Variants in USH2A observed in about 807,000 individuals in gnomAD.
The protein encoded by USH2A is usherin.
USH2A carries 443 observed loss-of-function variants against 538.9 expected under a neutral mutation model. The observed-to-expected ratio is 0.82, with a 90% CI of 0.76 to 0.89. The LOEUF (loss-of-function observed/expected upper bound fraction) is 0.89. Ranked by LOEUF, USH2A falls within the 40% of genes least tolerant of loss-of-function variation. USH2A has a pLI of 0.00. For missense variants in USH2A, 6,633 were observed against 6,324.8 expected, an observed-to-expected ratio of 1.05 and a Z score of -1.65; for synonymous variants, 2,413 against 2,273.5, an observed-to-expected ratio of 1.06 and a Z score of -1.75.
intron 4 of USH2A, among the ~76,000 whole-genome samples, chr1:216,352,194 G>C (rs2038300445): frequency 6.6e-6 from 1 of 152,136 alleles, no homozygotes; most frequent in East Asian, 1.9e-4. Context: ...ATCTTTAAGG[G>C]AGTGAGTGTC....
chr1:215,845,813 T>G lies in USH2A; in HGVS notation c.9055+11A>C. 1 of 1,612,590 alleles carries G rather than the reference T, an allele frequency of 6.2e-7. No homozygotes were observed. The highest frequency in any genetic ancestry group is 8.5e-7 in the Non-Finnish European group (1 of 1,179,154). On this transcript the variant is annotated intron_variant, in intron 45 of 71. Transcript: ENST00000307340. ...TCTCTGAGGCAAATATCCTTTAGAA[T>G]CTGGACTCACCCCCATCGCAAGTGG... is the stretch of plus-strand genomic sequence containing the variant.
At chr1:215,627,414 TTCCTTCCTTCCTTCC>T (rs1656074283) in intron 71 of USH2A, among the ~76,000 whole-genome samples, 2 of 112,992 alleles carry the variant, frequency 1.8e-5, no homozygotes, top group African/African-American at 6.6e-5. Flanking sequence ...CCTTCCTTCC[TTCCTTCCTTCCTTCC>T]TTCCTTCCTT....
chr1:216,295,705 C>A (rs2037090741), intron 9 of USH2A, among the ~76,000 whole-genome samples: 1 of 151,860 alleles, frequency 6.6e-6, no homozygotes, highest in Non-Finnish European at 1.5e-5. Context: ...CAGCATATGC[C>A]AGAGTTACAT....
At chr1:215,696,989 G>T (rs1658832454) in intron 61 of USH2A, among the ~76,000 whole-genome samples, 1 of 151,212 alleles carries the variant, frequency 6.6e-6, no homozygotes, top group Non-Finnish European at 1.5e-5. Flanking sequence ...GTCTTACTTT[G>T]ACACTCAGGC....
chr1:216,040,811 T>A (rs917678510), intron 32 of USH2A, among the ~76,000 whole-genome samples: 1 of 152,000 alleles, frequency 6.6e-6, no homozygotes, highest in Non-Finnish European at 1.5e-5. Flanking sequence ...AGTACAATTG[T>A]TTTTACCTCA....
intron 32 of USH2A, among the ~76,000 whole-genome samples, chr1:216,015,455 G>C (rs992776999): frequency 2.0e-5 from 3 of 152,112 alleles, no homozygotes; most frequent in Non-Finnish European, 4.4e-5. Context: ...GAACATCCTT[G>C]CTCTCCTTTT....
At chr1:215,848,654 A>G (rs555234675) in intron 44 of USH2A, among the ~76,000 whole-genome samples, 2 of 152,328 alleles carry the variant, frequency 1.3e-5, no homozygotes, top group African/African-American at 4.8e-5. Context: ...GGCTCTTGAG[A>G]ACAGAAACAG....
intron 20 of USH2A, among the ~76,000 whole-genome samples, chr1:216,184,078 AC>A (rs2034545153): frequency 6.6e-6 from 1 of 152,036 alleles, no homozygotes; most frequent in South Asian, 2.1e-4. Flanking sequence ...AATTGGTGGG[AC>A]AAGTTTTGCA....
In USH2A at chr1:216,207,380, A is replaced by G. The variant is rs992245384; in HGVS notation, c.3209T>C (p.Ile1070Thr). 3.7e-6 allele frequency: 6 copies of G among 1,614,080 alleles called. No individual in the cohort carries two copies. The highest frequency in any genetic ancestry group is 5.1e-6 in the Non-Finnish European group (6 of 1,179,968). Reference sequence around the variant, plus strand: ...ATCAGGTGGACTCCAGGAGAGATTGATAGCAGAAGAACTTTGAACTTGTCC... The same window carrying G: ...ATCAGGTGGACTCCAGGAGAGATTGGTAGCAGAAGAACTTTGAACTTGTCC... ...PRGQVQSSSA[I>T]NLSWSPPDSP... The change falls in exon 16 of 72, where the codon ATC (isoleucine) becomes ACC (threonine). Residue 1070 changes from isoleucine to threonine, a missense_variant. By Grantham distance (89) the Ile-to-Thr change is moderately conservative (BLOSUM62 -1). Transcript: ENST00000307340.
rs9662237 is a variant in USH2A at position 216,164,938 on chromosome 1, A to G, written c.4627+10314T>C. Among the ~76,000 whole-genome samples the G allele has an allele frequency of 2.6e-3, 393 of 152,276 alleles. 2 individuals are homozygous for G. Among genetic ancestry groups the G allele is most frequent in the African/African-American group, 8.9e-3 (369 of 41,570 alleles). The stretch of plus-strand genomic sequence containing the variant: ...TTAACAGATGAAGAAACTGAGTTTC[A>G]CACTGGGGGAATGACTTGTGCAAAG... On this transcript the variant is annotated intron_variant, in intron 21 of 71. Coordinates refer to ENST00000307340, the MANE Select transcript of USH2A (RefSeq NM_206933.4).
In USH2A at chr1:215,671,211, G is replaced by T; in HGVS notation, c.13894C>A (p.Pro4632Thr). 1 of 1,614,112 alleles carries T rather than the reference G, an allele frequency of 6.2e-7. No individual in the cohort carries two copies. The highest frequency in any genetic ancestry group is 8.5e-7 in the Non-Finnish European group (1 of 1,180,002). The stretch of plus-strand genomic sequence containing the variant: ...AGATGTGGAGGGGGTTGCATCAAAG[G>T]TGCAATCTCAGGGGTCTGTATGAAT... ...WTFIQTPEIA[P>T]LMQPPPHLEV... Residue 4632 changes from proline (P) to threonine (T), a missense_variant, in exon 64 of 72, where the codon CCT (proline) becomes ACT (threonine). Pro to Thr is a conservative substitution (Grantham distance 38). Coordinates refer to ENST00000307340, the MANE Select transcript of USH2A (RefSeq NM_206933.4).
chr1:215,741,545 A>G lies in USH2A; in HGVS notation c.11549-8T>C. 3.1e-6 allele frequency: 5 copies of G among 1,612,288 alleles called. No homozygotes were observed. The highest frequency in any genetic ancestry group is 4.2e-6 in the Non-Finnish European group (5 of 1,179,622). The stretch of plus-strand genomic sequence containing the variant: ...TGCTAACTCCACAACTTCCTTGAAA[A>G]AAAAAAAATTGAGGTCTTTATTATT... On this transcript the variant is annotated splice_region_variant and splice_polypyrimidine_tract_variant and intron_variant, in intron 59 of 71. Coordinates refer to ENST00000307340, the MANE Select transcript of USH2A (RefSeq NM_206933.4).
At chr1:215,955,240 G>A (rs1226901808) in intron 37 of USH2A, among the ~76,000 whole-genome samples, 1 of 152,162 alleles carries the variant, frequency 6.6e-6, no homozygotes, top group East Asian at 1.9e-4. Flanking sequence ...TGTTTCAGAT[G>A]TTGAAAGCAT....
Position 215,675,056 on chromosome 1 carries a change from C to T in USH2A, c.12855G>A (p.Trp4285Ter), listed in dbSNP as rs1657965422. 2 of 1,614,130 alleles carry T rather than the reference C, an allele frequency of 1.2e-6. No individual in the cohort carries two copies. The highest frequency in any genetic ancestry group is 1.7e-6 in the Non-Finnish European group (2 of 1,180,024). Residue 4285 changes from tryptophan to a stop codon, truncating the protein, a stop_gained, in exon 63 of 72, where the codon TGG (tryptophan) becomes TGA (stop). Transcript: ENST00000307340. LOFTEE classifies it high-confidence loss of function. The part of the protein sequence containing the change: ...SMNPQKLLIS[W>*]IPPEQSNGII... ...TACCATTAGACTGTTCTGGTGGGAT[C>T]CAGGAAATCAGCAGTTTTTGGGGAT... is the stretch of plus-strand genomic sequence containing the variant.
In USH2A at chr1:216,372,571, A is replaced by AT. The variant is rs200588480; in HGVS notation, c.652-7487dup. ...AAATTTAACATAGGAATGCAAGTAG[A>AT]TTTTTTTTTGTCCTATCTTGACTGG... On this transcript the variant is annotated intron_variant, in intron 3 of 71. Transcript: ENST00000307340. Among the ~76,000 whole-genome samples the AT allele has an allele frequency of 2.3e-3, 344 of 151,668 alleles. 3 individuals carry two copies. Among genetic ancestry groups the AT allele is most frequent in the African/African-American group, 8.0e-3 (330 of 41,400 alleles).
intron 49 of USH2A, among the ~76,000 whole-genome samples, chr1:215,813,195 A>C (rs1294441273): frequency 6.6e-6 from 1 of 152,208 alleles, no homozygotes; most frequent in Non-Finnish European, 1.5e-5. Context: ...AAGTTGGCTA[A>C]TACTAAAAAG....
At position 215,671,364 on chromosome 1, in the gene USH2A, C is replaced by T. The variant is rs1180261158; in HGVS notation, c.13812-71G>A. 8 of 1,466,982 alleles carry T rather than the reference C, an allele frequency of 5.5e-6. No homozygotes were observed. The East Asian group carries it at 6.9e-5, about 13-fold the overall frequency. 90.9% of individuals were successfully genotyped at this position (1,466,982 alleles called of 1,614,324 possible). On this transcript the variant is annotated intron_variant, in intron 63 of 71. Transcript: ENST00000307340. ...TTTCATGGGAAGAATCTTTAAAACACCAGGCCTTAAAAAAAAAAGACAAGC... is the reference window on the plus strand; with the variant it reads ...TTTCATGGGAAGAATCTTTAAAACATCAGGCCTTAAAAAAAAAAGACAAGC...
intron 21 of USH2A, among the ~76,000 whole-genome samples, chr1:216,155,654 T>A (rs1341670854): frequency 6.6e-6 from 1 of 152,184 alleles, no homozygotes; most frequent in African/African-American, 2.4e-5. Context: ...ATTTGAGTGA[T>A]AACTCCAGTT....
chr1:215,933,315 G>A (rs1489751152), intron 38 of USH2A, among the ~76,000 whole-genome samples: 14 of 151,598 alleles, frequency 9.2e-5, no homozygotes, highest in Non-Finnish European at 2.9e-5. Context: ...ATTTTAGCGG[G>A]GGGAGTTTGT....
Sources: allele counts gnomAD v4.1 joint callset (sites outside exome capture counted in the v4.1 genomes callset), GRCh38; gene constraint gnomAD v4.1.1; transcripts MANE v1.5; gene names NCBI Gene and HGNC (gene_info 2026-07-23, HGNC 2026-07-21).